Variants in STPG2 observed in about 807,000 individuals in gnomAD.
STPG2 encodes sperm tail PG-rich repeat containing 2.
A neutral mutation model predicts 54.2 loss-of-function variants in STPG2; 56 were observed. That is an observed-to-expected ratio of 1.03 (90% CI 0.83 to 1.29). STPG2 has a LOEUF of 1.29. Ranked by LOEUF, STPG2 falls within the 50% of genes most tolerant of loss-of-function variation. The pLI is 0.00. For synonymous variants in STPG2, 200 were observed against 181.8 expected, an observed-to-expected ratio of 1.10 and a Z score of -0.81; for missense variants, 596 against 544.9, an observed-to-expected ratio of 1.09 and a Z score of -0.93.
chr4:97,845,807 A>C (rs2149125904), intron 8 of STPG2, among the ~76,000 whole-genome samples: 1 of 152,356 alleles, frequency 6.6e-6, no homozygotes, highest in South Asian at 2.1e-4. Flanking sequence ...AATTCCAAAA[A>C]GTAGAAGAGA....
chr4:97,582,667 A>G (rs1732891574), intron 10 of STPG2, among the ~76,000 whole-genome samples: 1 of 152,052 alleles, frequency 6.6e-6, no homozygotes, highest in Non-Finnish European at 1.5e-5. Context: ...TAACTGAGCA[A>G]AAGATATAGG....
At chr4:97,931,653 GT>G (rs1302507545) in intron 8 of STPG2, among the ~76,000 whole-genome samples, 1 of 64,956 alleles carries the variant, frequency 1.5e-5, no homozygotes, top group African/African-American at 3.2e-5. Context: ...TTTGTTTTTG[GT>G]TTTTTTGTTT....
chr4:97,974,844 G>T (rs1361231895), intron 6 of STPG2, among the ~76,000 whole-genome samples: 1 of 151,978 alleles, frequency 6.6e-6, no homozygotes, highest in Non-Finnish European at 1.5e-5. Flanking sequence ...TAATACACTT[G>T]CCATATGACC....
At chr4:97,537,180 C>A (rs987489918) in intron 4 of STPG2, among the ~76,000 whole-genome samples, 4 of 152,102 alleles carry the variant, frequency 2.6e-5, no homozygotes, top group African/African-American at 7.2e-5. Flanking sequence ...CTCACTGGGA[C>A]CTGTCGGACA....
At chr4:97,514,642 G>C (rs1044242783) in intron 4 of STPG2, among the ~76,000 whole-genome samples, 1 of 152,018 alleles carries the variant, frequency 6.6e-6, no homozygotes, top group African/African-American at 2.4e-5. Context: ...AGCTTCAAGG[G>C]TATAGGCTTT....
intron 8 of STPG2, among the ~76,000 whole-genome samples, chr4:97,843,201 T>C (rs560684139): frequency 6.6e-6 from 1 of 151,898 alleles, no homozygotes; most frequent in South Asian, 2.1e-4. Context: ...TTTGGCTTAT[T>C]GCATGACTTT....
chr4:97,784,030 C>T (rs1726742509), intron 9 of STPG2, among the ~76,000 whole-genome samples: 1 of 149,240 alleles, frequency 6.7e-6, no homozygotes, highest in African/African-American at 2.5e-5. Flanking sequence ...AACAAACCTG[C>T]ACGTTGTACA....
chr4:97,616,094 A>ATG (rs1553942951), intron 10 of STPG2, among the ~76,000 whole-genome samples: 1 of 93,822 alleles, frequency 1.1e-5, no homozygotes, highest in African/African-American at 3.1e-5. Flanking sequence ...ATATATATAT[A>ATG]TGTATGTATA....
intron 10 of STPG2, among the ~76,000 whole-genome samples, chr4:97,574,558 A>G (rs1732676540): frequency 6.6e-6 from 1 of 152,024 alleles, no homozygotes; most frequent in South Asian, 2.1e-4. Flanking sequence ...GTCAAACTCC[A>G]TCTCTCTGGG....
At chr4:97,445,230 T>A (rs909901449) in intron 4 of STPG2, among the ~76,000 whole-genome samples, 1 of 152,226 alleles carries the variant, frequency 6.6e-6, no homozygotes, top group African/African-American at 2.4e-5. Flanking sequence ...GTCAATGGAC[T>A]ATTTCTCTCT....
rs1322021005 is a variant in STPG2, at chr4:97,860,836, G to C, written c.1045-19904C>G. Among the ~76,000 whole-genome samples, 3 of 152,144 alleles carry C rather than the reference G, an allele frequency of 2.0e-5. No individual in the cohort carries two copies. In the East Asian group the frequency reaches 5.8e-4, roughly 29 times the overall value. ...TGTGGAATAGAAGTGGTAAAAGTGT[G>C]AGTCCTTGTCTTATTCCAGTTCTCA... is the stretch of plus-strand genomic sequence containing the variant. On this transcript the variant is annotated intron_variant, in intron 8 of 10. Coordinates refer to ENST00000295268, the MANE Select transcript of STPG2 (RefSeq NM_174952.3).
intron 5 of STPG2, among the ~76,000 whole-genome samples, chr4:97,992,800 T>C (rs530512938): frequency 4.8e-4 from 73 of 152,152 alleles, no homozygotes; most frequent in Admixed American, 1.1e-3. Context: ...CTTTGAGAGG[T>C]CTTTCACCTC....
chr4:97,823,604 G>T (rs1028635250), intron 9 of STPG2, among the ~76,000 whole-genome samples: 1 of 152,110 alleles, frequency 6.6e-6, no homozygotes, highest in African/African-American at 2.4e-5. Context: ...GATTCACCTT[G>T]AATTCTTTTT....
intron 1 of STPG2, among the ~76,000 whole-genome samples, chr4:98,135,582 A>C (rs912026410): frequency 6.6e-6 from 1 of 151,796 alleles, no homozygotes; most frequent in Non-Finnish European, 1.5e-5. Flanking sequence ...ATCAGGAAAA[A>C]CTTCATGGAT....
At chr4:97,872,743 G>T (rs766440608) in intron 8 of STPG2, among the ~76,000 whole-genome samples, 13 of 151,078 alleles carry the variant, frequency 8.6e-5, no homozygotes, top group Admixed American at 3.3e-4. Flanking sequence ...TACACATTTT[G>T]ACTCACAGAT....
chr4:97,824,323 A>G (rs545174216), intron 9 of STPG2, among the ~76,000 whole-genome samples: 1 of 152,090 alleles, frequency 6.6e-6, no homozygotes, highest in Admixed American at 6.5e-5. Context: ...AGTTATTTTT[A>G]CCATTCATTC....
At chr4:97,793,453 T>C (rs1727069992) in intron 9 of STPG2, among the ~76,000 whole-genome samples, 1 of 151,882 alleles carries the variant, frequency 6.6e-6, no homozygotes, top group South Asian at 2.1e-4. Flanking sequence ...CATATATCTA[T>C]GTGTATATTT....
intron 10 of STPG2, among the ~76,000 whole-genome samples, chr4:97,628,734 A>C (rs1027210944): frequency 1.3e-5 from 2 of 152,128 alleles, no homozygotes; most frequent in Non-Finnish European, 2.9e-5. Context: ...CTGCAAAAAT[A>C]AAACCCCTCA....
intron 8 of STPG2, among the ~76,000 whole-genome samples, chr4:97,848,408 T>C (rs1404415733): frequency 6.6e-6 from 1 of 152,152 alleles, no homozygotes; most frequent in Non-Finnish European, 1.5e-5. Flanking sequence ...AAGATTCAAT[T>C]TACCCTTCAA....
Sources: gnomAD v4.1 joint callset for allele counts (sites outside exome capture counted in the v4.1 genomes callset) on GRCh38, gnomAD v4.1.1 for gene constraint, MANE v1.5 for transcripts, NCBI Gene and HGNC (gene_info 2026-07-23, HGNC 2026-07-21) for gene names.